Variants in STPG2 observed in about 807,000 individuals in gnomAD.
STPG2 encodes sperm tail PG-rich repeat containing 2.
A neutral mutation model predicts 54.2 loss-of-function variants in STPG2; 56 were observed. The ratio of observed to expected loss-of-function variants is 1.03; its 90% confidence interval spans 0.83 to 1.29. STPG2 has a LOEUF of 1.29. Ranked by LOEUF, STPG2 falls within the 50% of genes most tolerant of loss-of-function variation. The pLI, the probability that STPG2 is intolerant of heterozygous loss-of-function variation, is 0.00. For synonymous variants in STPG2, 200 were observed against 181.8 expected, an observed-to-expected ratio of 1.10 and a Z score of -0.81; for missense variants, 596 against 544.9, an observed-to-expected ratio of 1.09 and a Z score of -0.93.
intron 8 of STPG2, among the ~76,000 whole-genome samples, chr4:97,866,943 A>G (rs1436686146): frequency 6.6e-6 from 1 of 151,974 alleles, no homozygotes; most frequent in Non-Finnish European, 1.5e-5. Context: ...TTCCTGATCA[A>G]GCAGCAGTAG....
chr4:97,965,244 C>A (rs1255940065), intron 7 of STPG2, among the ~76,000 whole-genome samples: 1 of 152,194 alleles, frequency 6.6e-6, no homozygotes. Context: ...ACTGCTAGTG[C>A]AGAAATCTGA....
intron 7 of STPG2, among the ~76,000 whole-genome samples, chr4:97,954,963 A>G (rs1237081285): frequency 6.6e-6 from 1 of 152,202 alleles, no homozygotes; most frequent in Non-Finnish European, 1.5e-5. Context: ...AATGTGTTCA[A>G]TAAAACAGAT....
chr4:97,525,198 TTTTAA>T (rs760553354), intron 4 of STPG2, among the ~76,000 whole-genome samples: 30 of 151,846 alleles, frequency 2.0e-4, no homozygotes, highest in Non-Finnish European at 4.3e-4. Flanking sequence ...ATCTAAATAT[TTTTAA>T]TTTAATATAT....
intron 5 of STPG2, among the ~76,000 whole-genome samples, chr4:98,019,510 G>A (rs554518912): frequency 6.6e-6 from 1 of 151,710 alleles, no homozygotes; most frequent in Non-Finnish European, 1.5e-5. Context: ...GCTCTTTTTT[G>A]GTTCCATATG....
chr4:97,673,952 A>G (rs1215233153), intron 10 of STPG2, among the ~76,000 whole-genome samples: 1 of 152,206 alleles, frequency 6.6e-6, no homozygotes, highest in Non-Finnish European at 1.5e-5. Flanking sequence ...AGTTTATCAC[A>G]AATTTACTTA....
chr4:97,683,719 G>A (rs1408781168), intron 10 of STPG2, among the ~76,000 whole-genome samples: 3 of 151,736 alleles, frequency 2.0e-5, no homozygotes, highest in African/African-American at 7.3e-5. Flanking sequence ...AGAAATGAAT[G>A]TCTCTTCTCA....
intron 8 of STPG2, among the ~76,000 whole-genome samples, chr4:97,888,788 C>T (rs1264289713): frequency 6.6e-6 from 1 of 151,988 alleles, no homozygotes; most frequent in African/African-American, 2.4e-5. Context: ...TTGTCCCTGC[C>T]CAAATATCAT....
At chr4:97,813,896 A>C (rs1030918346) in intron 9 of STPG2, among the ~76,000 whole-genome samples, 3 of 151,980 alleles carry the variant, frequency 2.0e-5, no homozygotes, top group African/African-American at 7.2e-5. Context: ...AATTCAGCTA[A>C]GGTTAGGTCA....
chr4:97,563,856 T>C (rs1732335869), intron 10 of STPG2, among the ~76,000 whole-genome samples: 2 of 152,232 alleles, frequency 1.3e-5, no homozygotes, highest in South Asian at 2.1e-4. Flanking sequence ...GCTTTACTTC[T>C]AATGATGTGG....
At chr4:98,049,958 C>T (rs1394821575) in intron 5 of STPG2, among the ~76,000 whole-genome samples, 1 of 152,052 alleles carries the variant, frequency 6.6e-6, no homozygotes, top group Non-Finnish European at 1.5e-5. Flanking sequence ...TAAAAGACAC[C>T]ATTGGGAAAT....
chr4:97,560,190 A>T (rs905453690), intron 10 of STPG2, among the ~76,000 whole-genome samples: 3 of 152,192 alleles, frequency 2.0e-5, no homozygotes, highest in African/African-American at 7.2e-5. Context: ...CAAAATTCTT[A>T]TTCCAACATT....
chr4:97,528,259 C>G (rs1050828541), intron 4 of STPG2, among the ~76,000 whole-genome samples: 7 of 152,128 alleles, frequency 4.6e-5, no homozygotes, highest in African/African-American at 1.7e-4. Flanking sequence ...AATAGGGAAT[C>G]TTTTCCCCAT....
chr4:97,537,566 C>T (rs553780052), intron 4 of STPG2, among the ~76,000 whole-genome samples: 149 of 152,256 alleles, frequency 9.8e-4, no homozygotes, highest in African/African-American at 2.8e-3. Context: ...CTGGGTGGAG[C>T]CCACCTCAGC....
intron 9 of STPG2, among the ~76,000 whole-genome samples, chr4:97,778,249 G>A (rs1395646951): frequency 6.6e-6 from 1 of 152,172 alleles, no homozygotes; most frequent in Non-Finnish European, 1.5e-5. Context: ...GTAGCAAAGG[G>A]CACAAGAGGA....
intron 4 of STPG2, among the ~76,000 whole-genome samples, chr4:97,472,187 C>T (rs11940087): frequency 6.6e-6 from 1 of 152,208 alleles, no homozygotes; most frequent in East Asian, 1.9e-4. Context: ...AACAGAGAAC[C>T]ACAACTTAGT....
chr4:98,032,430 T>C (rs1028673432), intron 5 of STPG2, among the ~76,000 whole-genome samples: 1 of 151,942 alleles, frequency 6.6e-6, no homozygotes, highest in Non-Finnish European at 1.5e-5. Context: ...ATTTTAAAAA[T>C]CACGAGATAC....
intron 5 of STPG2, among the ~76,000 whole-genome samples, chr4:98,057,362 T>C (rs767885863): frequency 6.6e-5 from 10 of 152,014 alleles, no homozygotes; most frequent in East Asian, 1.9e-4. Flanking sequence ...GAGAAGAACA[T>C]AGCCAACATG....
intron 9 of STPG2, among the ~76,000 whole-genome samples, chr4:97,767,389 T>C (rs1726087091): frequency 6.6e-6 from 1 of 152,128 alleles, no homozygotes; most frequent in Non-Finnish European, 1.5e-5. Context: ...CTCAACAAAA[T>C]GGATTTCACT....
chr4:98,114,414 G>A (rs1489562946), intron 3 of STPG2, among the ~76,000 whole-genome samples: 1 of 151,900 alleles, frequency 6.6e-6, no homozygotes, highest in Non-Finnish European at 1.5e-5. Flanking sequence ...TTTAGACATT[G>A]TATATATTTC....
Sources: gnomAD v4.1 joint callset for allele counts (sites outside exome capture counted in the v4.1 genomes callset) on GRCh38, gnomAD v4.1.1 for gene constraint, MANE v1.5 for transcripts, NCBI Gene and HGNC (gene_info 2026-07-23, HGNC 2026-07-21) for gene names.